FTO: variants seen among roughly 807,000 people sequenced by gnomAD.
FTO encodes the protein alpha-ketoglutarate-dependent dioxygenase FTO.
A neutral mutation model predicts 63.9 loss-of-function variants in FTO; 47 were observed. That is an observed-to-expected ratio of 0.74 (90% confidence interval 0.58 to 0.94). The LOEUF is 0.94. Among genes scored for constraint, FTO ranks in the 40% least tolerant of loss-of-function variants. The probability of loss-of-function intolerance (pLI) is 0.00; values close to 1 mark genes in which losing one functional copy is unlikely to be tolerated. For synonymous variants in FTO, 207 were observed against 224.4 expected, an observed-to-expected ratio of 0.92 and a Z score of 0.69; for missense variants, 562 against 618.1, an observed-to-expected ratio of 0.91 and a Z score of 0.96.
intron 1 of FTO, among the ~76,000 whole-genome samples, chr16:53,761,188 C>A (rs1327432757): frequency 6.6e-6 from 1 of 151,942 alleles, no homozygotes; most frequent in Admixed American, 6.6e-5. Context: ...CATAAAACTC[C>A]TGGGCTGAAG....
chr16:54,087,771 T>A (rs2086282584), intron 8 of FTO, among the ~76,000 whole-genome samples: 1 of 152,228 alleles, frequency 6.6e-6, no homozygotes. Flanking sequence ...CACTCCAGCC[T>A]GGGAAACCGA....
Position 53,704,216 on chromosome 16 carries a change from A to C in FTO, c.32A>C (p.Glu11Ala). ...CGCACCCCGACTGCCGAGGAACGAG[A>C]GCGCGAAGCTAAGGTATGTCGGGCT... MKRTPTAEER[E>A]REAKKLRLLE... Residue 11 changes from glutamate (E) to alanine (A), a missense_variant, in exon 1 of 9, where the codon GAG becomes GCG. Glu to Ala is a moderately radical substitution (Grantham distance 107). Coordinates refer to ENST00000471389, the MANE Select transcript of FTO (RefSeq NM_001080432.3). 7.1e-6 allele frequency: 11 copies of C among 1,551,476 alleles called. No homozygotes were observed. The highest frequency in any genetic ancestry group is 9.6e-6 in the Non-Finnish European group (11 of 1,146,822).
chr16:53,941,851 CAAAA>C (rs2082536902), intron 8 of FTO, among the ~76,000 whole-genome samples: 1 of 152,148 alleles, frequency 6.6e-6, no homozygotes, highest in Admixed American at 6.5e-5. Context: ...TGTTTCAAAA[CAAAA>C]GAACAAATTT....
At chr16:54,085,133 G>A (rs1282976295) in intron 8 of FTO, among the ~76,000 whole-genome samples, 1 of 152,198 alleles carries the variant, frequency 6.6e-6, no homozygotes, top group African/African-American at 2.4e-5. Context: ...TCCCTGATGT[G>A]TTAAATTTCC....
chr16:53,993,286 T>A (rs1309721843), intron 8 of FTO: 1 of 152,236 alleles, frequency 6.6e-6, no homozygotes. Context: ...TATTCCTAAA[T>A]GTGAAAGAGG....
chr16:54,065,266 T>G (rs1191374117), intron 8 of FTO, among the ~76,000 whole-genome samples: 1 of 151,972 alleles, frequency 6.6e-6, no homozygotes, highest in African/African-American at 2.4e-5. Flanking sequence ...TGAGCCTTCT[T>G]CTGCCTCCGC....
chr16:53,730,548 G>A (rs1296956386), intron 1 of FTO, among the ~76,000 whole-genome samples: 1 of 151,494 alleles, frequency 6.6e-6, no homozygotes, highest in Non-Finnish European at 1.5e-5. Context: ...AGGCTGAAGT[G>A]CAGTGGCACG....
At chr16:53,974,443 C>T (rs780471339) in intron 8 of FTO, among the ~76,000 whole-genome samples, 1 of 152,164 alleles carries the variant, frequency 6.6e-6, no homozygotes, top group Non-Finnish European at 1.5e-5. Context: ...CATCAAGATT[C>T]ACCATGAGTA....
chr16:53,859,868 A>G (rs1055144849), intron 4 of FTO, among the ~76,000 whole-genome samples: 5 of 152,208 alleles, frequency 3.3e-5, no homozygotes, highest in African/African-American at 1.2e-4. Flanking sequence ...CATTGTGGAA[A>G]ACTGCATGGA....
chr16:53,816,741 T>G (rs1392302950), intron 2 of FTO, among the ~76,000 whole-genome samples: 1 of 152,166 alleles, frequency 6.6e-6, no homozygotes, highest in African/African-American at 2.4e-5. Context: ...GCACTCCCTA[T>G]CCTACTTTCT....
intron 1 of FTO, among the ~76,000 whole-genome samples, chr16:53,705,226 C>T (rs527889140): frequency 1.6e-4 from 24 of 152,276 alleles, no homozygotes; most frequent in African/African-American, 4.8e-4. Flanking sequence ...ATGTCCCTTT[C>T]CTTTCTCCTT....
At chr16:53,779,606 G>A (rs2077539678) in intron 1 of FTO, among the ~76,000 whole-genome samples, 1 of 152,166 alleles carries the variant, frequency 6.6e-6, no homozygotes, top group African/African-American at 2.4e-5. Flanking sequence ...ACAATTTAGA[G>A]TTTGTTTATT....
At chr16:53,832,226 C>T (rs1421697250) in intron 3 of FTO, among the ~76,000 whole-genome samples, 2 of 152,096 alleles carry the variant, frequency 1.3e-5, no homozygotes, top group African/African-American at 4.8e-5. Context: ...ACATTTTCTC[C>T]CCTCTGTGAA....
chr16:53,792,607 G>A (rs2077954768), intron 1 of FTO, among the ~76,000 whole-genome samples: 1 of 152,212 alleles, frequency 6.6e-6, no homozygotes, highest in Non-Finnish European at 1.5e-5. Flanking sequence ...GTTATTTACA[G>A]TTGGATGCTT....
intron 4 of FTO, among the ~76,000 whole-genome samples, chr16:53,864,574 C>T (rs909030054): frequency 2.6e-5 from 4 of 152,316 alleles, no homozygotes; most frequent in Non-Finnish European, 5.9e-5. Context: ...ACGCAGCATT[C>T]AGCCAGCAAA....
At chr16:54,022,427 A>G (rs1287331042) in intron 8 of FTO, among the ~76,000 whole-genome samples, 1 of 152,086 alleles carries the variant, frequency 6.6e-6, no homozygotes, top group African/African-American at 2.4e-5. Flanking sequence ...GAAGGGTTGC[A>G]TTTATATTTG....
intron 8 of FTO, among the ~76,000 whole-genome samples, chr16:53,969,777 A>G (rs1179535432): frequency 1.3e-5 from 2 of 152,228 alleles, no homozygotes; most frequent in Non-Finnish European, 2.9e-5. Context: ...GAATATGTAT[A>G]GGGAGAAAGA....
intron 8 of FTO, among the ~76,000 whole-genome samples, chr16:53,955,257 G>A (rs1422340823): frequency 3.3e-5 from 5 of 152,168 alleles, no homozygotes; most frequent in African/African-American, 1.2e-4. Context: ...CCCTGGAACT[G>A]GGTATACAAG....
At chr16:54,109,330 T>TTTC (rs1414769704) in intron 8 of FTO, among the ~76,000 whole-genome samples, 4 of 152,186 alleles carry the variant, frequency 2.6e-5, no homozygotes, top group Non-Finnish European at 5.9e-5. Flanking sequence ...TCTTTGTTTT[T>TTTC]TTCTTCTTCT....
Sources: gnomAD v4.1 joint callset for allele counts (sites outside exome capture counted in the v4.1 genomes callset) on GRCh38, gnomAD v4.1.1 for gene constraint, MANE v1.5 for transcripts, NCBI Gene and HGNC (gene_info 2026-07-23, HGNC 2026-07-21) for gene names.